Variants in JAZF1 observed in about 807,000 individuals in gnomAD.
The protein encoded by JAZF1 is juxtaposed with another zinc finger protein 1.
In JAZF1, 8 loss-of-function variants were observed where a neutral mutation model predicts 26.4. The ratio of observed to expected loss-of-function variants is 0.30; its 90% CI spans 0.18 to 0.55. The LOEUF (loss-of-function observed/expected upper bound fraction) is 0.55. Among genes scored for constraint, JAZF1 ranks in the 20% least tolerant of loss-of-function variants. The probability of loss-of-function intolerance (pLI) is 0.94; values close to 1 mark genes in which losing one functional copy is unlikely to be tolerated. For synonymous variants in JAZF1, 126 were observed against 122.3 expected (o/e 1.03, Z -0.20); for missense variants, 199 against 322.0 (o/e 0.62, Z 2.92).
At chr7:27,841,463 G>A (rs1336548522) in intron 3 of JAZF1, 1 of 152,446 alleles carries the variant, frequency 6.6e-6, no homozygotes, top group East Asian at 1.9e-4. Flanking sequence ...AGGCATAGAA[G>A]GCCAGGAGGT....
chr7:27,930,026 T>C (rs982731363), intron 2 of JAZF1, among the ~76,000 whole-genome samples: 51 of 151,202 alleles, frequency 3.4e-4, no homozygotes, highest in African/African-American at 1.2e-3. Context: ...GACGGAGTCT[T>C]GCTCTGTCGC....
chr7:28,025,587 T>G (rs149657589), intron 1 of JAZF1, among the ~76,000 whole-genome samples: 506 of 152,344 alleles, frequency 3.3e-3, no homozygotes, highest in Non-Finnish European at 5.7e-3. Context: ...AAACATACTA[T>G]CTTTCTCAAG....
At chr7:28,055,461 C>A (rs76913536) in intron 1 of JAZF1, among the ~76,000 whole-genome samples, 1 of 152,066 alleles carries the variant, frequency 6.6e-6, no homozygotes, top group Non-Finnish European at 1.5e-5. Context: ...CACTTTGGTG[C>A]GTGTGATTTC....
chr7:28,012,727 C>T (rs1278920010), intron 1 of JAZF1, among the ~76,000 whole-genome samples: 1 of 152,180 alleles, frequency 6.6e-6, no homozygotes, highest in Non-Finnish European at 1.5e-5. Context: ...CCCTTTGCAA[C>T]CCACCACTAC....
chr7:28,120,820 C>T (rs1203284350), intron 1 of JAZF1, among the ~76,000 whole-genome samples: 1 of 152,066 alleles, frequency 6.6e-6, no homozygotes, highest in Non-Finnish European at 1.5e-5. Context: ...TGCTTGGGAC[C>T]TAGACAATGC....
At chr7:28,119,801 C>G (rs767754011) in intron 1 of JAZF1, among the ~76,000 whole-genome samples, 27 of 152,210 alleles carry the variant, frequency 1.8e-4, no homozygotes, top group Non-Finnish European at 3.2e-4. Context: ...TGGGACATAT[C>G]AATTAACTGA....
intron 1 of JAZF1, among the ~76,000 whole-genome samples, chr7:28,054,620 T>G (rs1168356915): frequency 3.9e-5 from 6 of 152,168 alleles, no homozygotes; most frequent in Non-Finnish European, 8.8e-5. Flanking sequence ...TAAATATTTC[T>G]GCCATTTCCC....
intron 3 of JAZF1, among the ~76,000 whole-genome samples, chr7:27,861,552 T>G (rs1370121856): frequency 2.6e-5 from 1 of 38,370 alleles, no homozygotes; most frequent in Non-Finnish European, 5.3e-5. Context: ...TTTTTTATTC[T>G]TTTTTTTTTC....
chr7:28,048,111 C>A (rs1042347809), intron 1 of JAZF1, among the ~76,000 whole-genome samples: 1 of 152,130 alleles, frequency 6.6e-6, no homozygotes, highest in Non-Finnish European at 1.5e-5. Context: ...GATGGACAGA[C>A]AGAAGAAAGA....
At chr7:28,029,890 T>C (rs538717295) in intron 1 of JAZF1, among the ~76,000 whole-genome samples, 1 of 152,344 alleles carries the variant, frequency 6.6e-6, no homozygotes, top group East Asian at 1.9e-4. Context: ...AGTAAAGTGC[T>C]ACACATTTCT....
chr7:28,016,454 G>C (rs1384615714), intron 1 of JAZF1, among the ~76,000 whole-genome samples: 1 of 152,198 alleles, frequency 6.6e-6, no homozygotes, highest in Non-Finnish European at 1.5e-5. Context: ...TCACTCTGCT[G>C]TTTTAATGCC....
At chr7:28,053,978 A>G (rs1159190971) in intron 1 of JAZF1, among the ~76,000 whole-genome samples, 2 of 152,254 alleles carry the variant, frequency 1.3e-5, no homozygotes, top group East Asian at 3.8e-4. Context: ...TGCTCCTTCC[A>G]GGATTAAAAT....
chr7:28,023,782 A>G (rs907872287), intron 1 of JAZF1, among the ~76,000 whole-genome samples: 6 of 152,258 alleles, frequency 3.9e-5, no homozygotes, highest in African/African-American at 1.4e-4. Flanking sequence ...TGACAGGTAG[A>G]CAGACAATGA....
At chr7:27,851,459 G>A (rs1461520111) in intron 3 of JAZF1, among the ~76,000 whole-genome samples, 1 of 152,074 alleles carries the variant, frequency 6.6e-6, no homozygotes, top group Non-Finnish European at 1.5e-5. Flanking sequence ...AACCAGCCTG[G>A]GCAATGTAGT....
Position 28,017,919 on chromosome 7 carries a change from G to A in JAZF1, c.116-25938C>T, listed in dbSNP as rs1782925325. Reference sequence around the variant, plus strand: ...CTTCCAGGTAGCTGGGATTACAGGTGCCTGCCACCACGTCTGGCTAATTTT... The same window carrying A: ...CTTCCAGGTAGCTGGGATTACAGGTACCTGCCACCACGTCTGGCTAATTTT... On this transcript the variant is annotated intron_variant, in intron 1 of 4. Coordinates refer to ENST00000283928, the MANE Select transcript of JAZF1 (RefSeq NM_175061.4). Among the ~76,000 whole-genome samples, 7 of 152,258 alleles carry A rather than the reference G, an allele frequency of 4.6e-5. No homozygotes were observed. The South Asian group carries it at 1.5e-3, about 32-fold the overall frequency.
intron 1 of JAZF1, among the ~76,000 whole-genome samples, chr7:28,078,447 T>C (rs1341792139): frequency 6.6e-6 from 1 of 152,190 alleles, no homozygotes; most frequent in East Asian, 1.9e-4. Flanking sequence ...GCAGAAGCCA[T>C]CTCCATGCAA....
intron 1 of JAZF1, among the ~76,000 whole-genome samples, chr7:28,101,237 C>T (rs1181280502): frequency 6.6e-6 from 1 of 152,140 alleles, no homozygotes; most frequent in Non-Finnish European, 1.5e-5. Flanking sequence ...CACAATCAAT[C>T]TGATATTTCT....
intron 1 of JAZF1, among the ~76,000 whole-genome samples, chr7:28,017,320 C>T (rs1264645597): frequency 2.7e-5 from 4 of 147,156 alleles, no homozygotes; most frequent in African/African-American, 1.0e-4. Flanking sequence ...CACTGTACTC[C>T]AGCCTAGGCG....
Position 28,103,542 on chromosome 7 carries a change from C to T in JAZF1, c.115+76921G>A, listed in dbSNP as rs1450250970. On this transcript the variant is annotated intron_variant, in intron 1 of 4. Transcript: ENST00000283928. ...ACTTAACCTGGCCAAAACAGAGATC[C>T]TGATTTCCATCTTCCTCCAAAACTT... Among the ~76,000 whole-genome samples, 4 of 152,152 alleles carry T rather than the reference C, an allele frequency of 2.6e-5. No individual in the cohort carries two copies. The East Asian group carries it at 7.7e-4, about 29-fold the overall frequency.
Sources: allele counts gnomAD v4.1 joint callset (sites outside exome capture counted in the v4.1 genomes callset), GRCh38; gene constraint gnomAD v4.1.1; transcripts MANE v1.5; gene names NCBI Gene and HGNC (gene_info 2026-07-23, HGNC 2026-07-21).